SRF: variants seen among roughly 807,000 people sequenced by gnomAD.
The protein encoded by SRF is serum response factor.
A neutral mutation model predicts 37.1 loss-of-function variants in SRF; 7 were observed. That is an observed-to-expected ratio of 0.19 (90% CI 0.11 to 0.35). The LOEUF is 0.35. Among genes scored for constraint, SRF ranks in the 10% least tolerant of loss-of-function variants. The pLI, the probability that SRF is intolerant of heterozygous loss-of-function variation, is 1.00. For missense variants in SRF, 395 were observed against 694.4 expected (o/e 0.57, Z 4.85); for synonymous variants, 285 against 310.1 (o/e 0.92, Z 0.85).
At position 43,171,633 on chromosome 6, in the gene SRF, G is replaced by T. The variant is rs1471605971; in HGVS notation, c.-24G>T. 2 of 1,199,478 alleles carry T rather than the reference G, an allele frequency of 1.7e-6. No homozygotes were observed. The highest frequency in any genetic ancestry group is 4.4e-5 in the Admixed American group (1 of 22,808). The allele number at this position is 1,199,478 out of a possible 1,614,324, so 74.3% of individuals were successfully genotyped here. A position where few individuals can be genotyped will look rare whatever the true frequency, so the allele number is the denominator to read the frequency against. On this transcript the variant is annotated 5_prime_UTR_variant, in exon 1 of 7. Coordinates refer to ENST00000265354, the MANE Select transcript of SRF (RefSeq NM_003131.4). The surrounding 1 kb of genome is among the most constrained non-coding windows in gnomAD (Gnocchi z 6.5). ...GGCTCCGATTCCTCGCTGACTGCCC[G>T]TCCGCCCTCCTGCATCGAGCGCCAT...
intron 2 of SRF, 22 bp downstream of exon 2, chr6:43,174,135 G>T (rs1449294584): frequency 6.2e-7 from 1 of 1,612,484 alleles, no homozygotes; most frequent in East Asian, 2.2e-5. Context: ...TTGCCTATGT[G>T]AGAGGAGGGA....
At position 43,179,028 on chromosome 6, in the gene SRF, G is replaced by T; in HGVS notation, c.1432-67G>T. ...GCTCAGGCCTGTGGTTGGCAGGCAG[G>T]GAAGCCAGGGGAGCCTGAACTGGCT... is the stretch of plus-strand genomic sequence containing the variant. On this transcript the variant is annotated intron_variant, in intron 6 of 6. Coordinates refer to ENST00000265354, the MANE Select transcript of SRF (RefSeq NM_003131.4). This position sits in a 1 kb window ranked among gnomAD's most constrained non-coding sequence, Gnocchi z 5.3. 6.3e-7 allele frequency: 1 copy of T among 1,594,306 alleles called. No homozygotes were observed.
Position 43,176,711 on chromosome 6 carries a change from A to G in SRF, c.1162+44A>G, listed in dbSNP as rs201527826. ...TCACCCTCCCTCCCTGCCTTCCCCC[A>G]CGAGGCCTAGCAGTAGGTGCCCAAC... On this transcript the variant is annotated intron_variant, in intron 4 of 6. Coordinates refer to ENST00000265354, the MANE Select transcript of SRF (RefSeq NM_003131.4). This position sits in a 1 kb window ranked among gnomAD's most constrained non-coding sequence, Gnocchi z 4.0. 42 of 1,599,124 alleles carry G rather than the reference A, an allele frequency of 2.6e-5. No individual in the cohort carries two copies. The East Asian group carries it at 7.9e-4, about 30-fold the overall frequency.
At position 43,172,734 on chromosome 6, in the gene SRF, C is replaced by G. The variant is rs1194965940; in HGVS notation, c.513+565C>G. On this transcript the variant is annotated intron_variant, in intron 1 of 6. Coordinates refer to ENST00000265354, the MANE Select transcript of SRF (RefSeq NM_003131.4). This position sits in a 1 kb window ranked among gnomAD's most constrained non-coding sequence, Gnocchi z 5.7. ...GGAGAACTGGTGCTGCCCTGAGCAG[C>G]AGGAACCTAGTCCTGCGCCGGCCGT... Among the ~76,000 whole-genome samples, 1 of 152,146 alleles carries G rather than the reference C, an allele frequency of 6.6e-6. No homozygotes were observed. Among genetic ancestry groups the G allele is most frequent in the East Asian group, 1.9e-4 (1 of 5,188 alleles).
intron 4 of SRF, among the ~76,000 whole-genome samples, chr6:43,177,231 T>TTTTTTTTTTTTG (rs1295868256): frequency 2.8e-5 from 4 of 143,474 alleles, no homozygotes; most frequent in African/African-American, 1.1e-4. Flanking sequence ...GGAGTCTGTT[T>TTTTTTTTTTTTG]TTTTTTTTTT....
rs1772143069 is a variant in SRF at position 43,173,361 on chromosome 6, C to G, written c.514-486C>G. ...AAGTATTACAGGGCAAAAGGAGAAACTAGGCTGTGGCAACAAGTTGGAGCC... is the reference window on the plus strand; with the variant it reads ...AAGTATTACAGGGCAAAAGGAGAAAGTAGGCTGTGGCAACAAGTTGGAGCC... On this transcript the variant is annotated intron_variant, in intron 1 of 6. Coordinates refer to ENST00000265354, the MANE Select transcript of SRF (RefSeq NM_003131.4). The surrounding 1 kb of genome is among the most constrained non-coding windows in gnomAD (Gnocchi z 4.2). Among the ~76,000 whole-genome samples, 1 of 152,220 alleles carries G rather than the reference C, an allele frequency of 6.6e-6. No individual in the cohort carries two copies. The highest frequency in any genetic ancestry group is 1.5e-5 in the Non-Finnish European group (1 of 68,026).
chr6:43,174,855 C>A (rs940091840), intron 2 of SRF, among the ~76,000 whole-genome samples: 3 of 152,194 alleles, frequency 2.0e-5, no homozygotes, highest in African/African-American at 4.8e-5. Flanking sequence ...TGACTCATTT[C>A]GGGTCTGGGC....
rs1024470426 is a variant in SRF, at chr6:43,180,172, C to G, written c.*982C>G. ...GAGGGGCCCTCAGGCCATTCCCCAA[C>G]GGGGTGGGGAGGGTGACCCACAGCT... is the stretch of plus-strand genomic sequence containing the variant. On this transcript the variant is annotated 3_prime_UTR_variant, in exon 7 of 7. Coordinates refer to ENST00000265354, the MANE Select transcript of SRF (RefSeq NM_003131.4). The G allele has an allele frequency of 6.6e-6, 1 of 150,802 alleles. No homozygotes were observed. 9.3% of individuals were successfully genotyped at this position (150,802 alleles called of 1,614,324 possible).
In SRF at chr6:43,173,810, G is replaced by C; in HGVS notation, c.514-37G>C. 1.9e-6 allele frequency: 3 copies of C among 1,594,754 alleles called. No homozygotes were observed. The highest frequency in any genetic ancestry group is 2.6e-6 in the Non-Finnish European group (3 of 1,168,686). ...TTCTCAAGGAAGGTAGAGATAAAAAGTTTGCTGACCTGCCCATCTCCCTCC... is the reference window on the plus strand; with the variant it reads ...TTCTCAAGGAAGGTAGAGATAAAAACTTTGCTGACCTGCCCATCTCCCTCC... On this transcript the variant is annotated intron_variant, in intron 1 of 6. Transcript: ENST00000265354. This position sits in a 1 kb window ranked among gnomAD's most constrained non-coding sequence, Gnocchi z 4.2.
At position 43,178,976 on chromosome 6, in the gene SRF, C is replaced by T; in HGVS notation, c.1431+94C>T. On this transcript the variant is annotated intron_variant, in intron 6 of 6. Transcript: ENST00000265354. This position sits in a 1 kb window ranked among gnomAD's most constrained non-coding sequence, Gnocchi z 4.3. ...TACCAGTTCATCAAAGCCAAAATCC[C>T]TAGCCTGGAAGCCCATCTGCTTTTC... 1 of 1,570,020 alleles carries T rather than the reference C, an allele frequency of 6.4e-7. No individual in the cohort carries two copies. The highest frequency in any genetic ancestry group is 1.1e-5 in the South Asian group (1 of 90,146).
Position 43,171,292 on chromosome 6 carries a change from G to A in SRF, c.-365G>A, listed in dbSNP as rs1024486253. 8.1e-5 allele frequency: 13 copies of A among 161,330 alleles called. No homozygotes were observed. The highest frequency in any genetic ancestry group is 2.9e-4 in the African/African-American group (12 of 41,766). The allele number at this position is 161,330 out of a possible 1,614,324, so 10.0% of individuals were successfully genotyped here. On this transcript the variant is annotated 5_prime_UTR_variant, in exon 1 of 7. Coordinates refer to ENST00000265354, the MANE Select transcript of SRF (RefSeq NM_003131.4). The surrounding 1 kb of genome is among the most constrained non-coding windows in gnomAD (Gnocchi z 6.5). ...GGAAACATTGTATCTCTTTATATGG[G>A]GGGAAGGGTCGGGGGATCCCTCCGC...
chr6:43,171,875 G>T lies in SRF; in HGVS notation c.219G>T (p.Gly73=). The change falls in exon 1 of 7, where the codon GGG becomes GGT. Residue 73 remains glycine (G), a synonymous_variant. Coordinates refer to ENST00000265354, the MANE Select transcript of SRF (RefSeq NM_003131.4). This position sits in a 1 kb window ranked among gnomAD's most constrained non-coding sequence, Gnocchi z 6.5. The part of the protein sequence containing the change: ...AAATTPAPTA[G]ALYSGSEGDS... ...CAACCACCCCGGCGCCCACCGCGGG[G>T]GCCCTCTACAGCGGCAGCGAGGGCG... The T allele has an allele frequency of 7.4e-7, 1 of 1,353,152 alleles. No individual in the cohort carries two copies. 83.8% of individuals were successfully genotyped at this position (1,353,152 alleles called of 1,614,324 possible).
Position 43,171,459 on chromosome 6 carries a change from C to T in SRF, c.-198C>T, listed in dbSNP as rs1344321604. Reference sequence around the variant, plus strand: ...GCGCTGCGCGCGGCCTGGGGCAACCCGGGCCACAGGGGCAGGAAAGTGAGG... The same window carrying T: ...GCGCTGCGCGCGGCCTGGGGCAACCTGGGCCACAGGGGCAGGAAAGTGAGG... On this transcript the variant is annotated 5_prime_UTR_variant, in exon 1 of 7. Coordinates refer to ENST00000265354, the MANE Select transcript of SRF (RefSeq NM_003131.4). The surrounding 1 kb of genome is among the most constrained non-coding windows in gnomAD (Gnocchi z 6.5). 5.2e-5 allele frequency: 24 copies of T among 461,564 alleles called. No individual in the cohort carries two copies. The highest frequency in any genetic ancestry group is 6.7e-5 in the Non-Finnish European group (21 of 311,290). 28.6% of individuals were successfully genotyped at this position (461,564 alleles called of 1,614,324 possible).
rs996028511 is a variant in SRF, at chr6:43,172,897, G to T, written c.513+728G>T. 2.0e-5 allele frequency among the ~76,000 whole-genome samples: 3 copies of T among 152,198 alleles called. No individual in the cohort carries two copies. The East Asian group carries it at 5.8e-4, about 29-fold the overall frequency. ...ATGGGGTTTGGGGGAAGTCAGGGAG[G>T]CTTGCAGAGGTACCTAGGAATTCCT... On this transcript the variant is annotated intron_variant, in intron 1 of 6. Transcript: ENST00000265354. This position sits in a 1 kb window ranked among gnomAD's most constrained non-coding sequence, Gnocchi z 5.7.
chr6:43,178,058 GTAGA>G lies in SRF; in HGVS notation c.1163-231_1163-228del, dbSNP rs1245482882. On this transcript the variant is annotated intron_variant, in intron 4 of 6. Transcript: ENST00000265354. The surrounding 1 kb of genome is among the most constrained non-coding windows in gnomAD (Gnocchi z 4.3). ...CAAGATTTAGGACTTAGAGAATTCA[GTAGA>G]TAGACAATTGAATAAATAGTACAAT... Among the ~76,000 whole-genome samples the G allele has an allele frequency of 6.6e-6, 1 of 152,122 alleles. No individual in the cohort carries two copies. Among genetic ancestry groups the G allele is most frequent in the South Asian group, 2.1e-4 (1 of 4,830 alleles).
intron 4 of SRF, among the ~76,000 whole-genome samples, chr6:43,177,684 G>A (rs1017787038): frequency 1.5e-4 from 23 of 151,470 alleles, no homozygotes; most frequent in Non-Finnish European, 4.4e-5. Context: ...GGGAGGCCGA[G>A]GGGGGCAGAT....
At position 43,173,816 on chromosome 6, in the gene SRF, T is replaced by A; in HGVS notation, c.514-31T>A. ...AGGAAGGTAGAGATAAAAAGTTTGC[T>A]GACCTGCCCATCTCCCTCCTCACCC... On this transcript the variant is annotated intron_variant, in intron 1 of 6. Coordinates refer to ENST00000265354, the MANE Select transcript of SRF (RefSeq NM_003131.4). The surrounding 1 kb of genome is among the most constrained non-coding windows in gnomAD (Gnocchi z 4.2). 6.3e-7 allele frequency: 1 copy of A among 1,598,560 alleles called. No homozygotes were observed. The highest frequency in any genetic ancestry group is 1.7e-5 in the Admixed American group (1 of 58,178).
chr6:43,179,692 T>A lies in SRF; in HGVS notation c.*502T>A. ...GGCCAGCTGGGGAGATGGGGGCTTC[T>A]TCCTCACACTGCTGTCCTCTCCCCC... On this transcript the variant is annotated 3_prime_UTR_variant, in exon 7 of 7. Coordinates refer to ENST00000265354, the MANE Select transcript of SRF (RefSeq NM_003131.4). The surrounding 1 kb of genome is among the most constrained non-coding windows in gnomAD (Gnocchi z 5.3). 5.6e-6 allele frequency: 1 copy of A among 179,174 alleles called. No homozygotes were observed. The highest frequency in any genetic ancestry group is 1.2e-5 in the Non-Finnish European group (1 of 82,656). 11.1% of individuals were successfully genotyped at this position (179,174 alleles called of 1,614,324 possible). A position where few individuals can be genotyped will look rare whatever the true frequency, so the allele number is the denominator to read the frequency against.
intron 4 of SRF, among the ~76,000 whole-genome samples, chr6:43,177,420 C>T (rs367743363): frequency 3.7e-4 from 56 of 150,948 alleles, no homozygotes; most frequent in African/African-American, 1.1e-3. Flanking sequence ...TTAGTAGAGA[C>T]GGGGTTTCAC....
Sources: gnomAD v4.1 joint callset for allele counts (sites outside exome capture counted in the v4.1 genomes callset) on GRCh38, gnomAD v4.1.1 for gene constraint, Gnocchi (gnomAD v3.1) non-coding constraint, MANE v1.5 for transcripts, NCBI Gene and HGNC (gene_info 2026-07-23, HGNC 2026-07-21) for gene names.